The following DSCAM variants were observed in gnomAD, a reference collection of about 807,000 sequenced individuals.
DSCAM encodes DS cell adhesion molecule, also known as cell adhesion molecule DSCAM.
In DSCAM, 47 loss-of-function variants were observed where a neutral mutation model predicts 217.7. The observed-to-expected ratio is 0.22, with a 90% CI of 0.17 to 0.28. The LOEUF is 0.28. Ranked by LOEUF, DSCAM falls within the 10% of genes least tolerant of loss-of-function variation. The probability of loss-of-function intolerance (pLI) is 1.00; values close to 1 mark genes in which losing one functional copy is unlikely to be tolerated. For missense variants in DSCAM, 2,080 were observed against 2,618.3 expected, an observed-to-expected ratio of 0.79 and a Z score of 4.49; for synonymous variants, 1,056 against 1,015.3, an observed-to-expected ratio of 1.04 and a Z score of -0.76.
At chr21:40,564,482 T>G (rs894270211) in intron 3 of DSCAM, among the ~76,000 whole-genome samples, 4 of 152,176 alleles carry the variant, frequency 2.6e-5, no homozygotes, top group African/African-American at 9.6e-5. Flanking sequence ...ACCACCCTCC[T>G]CCTTCCTCTA....
chr21:40,675,654 T>C (rs1006462170), intron 3 of DSCAM, among the ~76,000 whole-genome samples: 4 of 151,996 alleles, frequency 2.6e-5, no homozygotes, highest in African/African-American at 9.6e-5. Flanking sequence ...TCAGGTCGTA[T>C]ATGTTAGTCA....
At chr21:40,836,066 G>A (rs2092053279) in intron 1 of DSCAM, among the ~76,000 whole-genome samples, 1 of 152,174 alleles carries the variant, frequency 6.6e-6, no homozygotes, top group South Asian at 2.1e-4. Context: ...GCATCCCAAG[G>A]CGGCATCAAA....
intron 3 of DSCAM, among the ~76,000 whole-genome samples, chr21:40,687,307 T>A (rs1287248770): frequency 1.3e-5 from 2 of 152,192 alleles, no homozygotes; most frequent in African/African-American, 2.4e-5. Flanking sequence ...AGGTTTTTTT[T>A]AAATTTCACA....
At chr21:40,813,217 A>G (rs779645181) in intron 1 of DSCAM, among the ~76,000 whole-genome samples, 1 of 152,236 alleles carries the variant, frequency 6.6e-6, no homozygotes, top group African/African-American at 2.4e-5. Context: ...ATAAAAGGCT[A>G]GGGAAGAGTT....
chr21:40,780,423 G>GTGTGTGTATATATATATATATATATA (rs1007015659), intron 1 of DSCAM, among the ~76,000 whole-genome samples: 14 of 56,426 alleles, frequency 2.5e-4, no homozygotes, highest in African/African-American at 8.4e-4. Context: ...GTGTGTGTGT[G>GTGTGTGTATATATATATATATATATA]TATATATATA....
intron 1 of DSCAM, among the ~76,000 whole-genome samples, chr21:40,822,978 C>T (rs1040153660): frequency 3.9e-5 from 6 of 152,006 alleles, no homozygotes; most frequent in African/African-American, 1.2e-4. Flanking sequence ...GGCGAAACCC[C>T]GTCTCTACTA....
chr21:40,697,054 C>T (rs2090603494), intron 2 of DSCAM, among the ~76,000 whole-genome samples: 1 of 152,250 alleles, frequency 6.6e-6, no homozygotes, highest in East Asian at 1.9e-4. Context: ...TACTCTTTAA[C>T]CCCTCTCCTC....
At chr21:40,106,402 T>A (rs1350373143) in intron 20 of DSCAM, among the ~76,000 whole-genome samples, 1 of 152,214 alleles carries the variant, frequency 6.6e-6, no homozygotes, top group Admixed American at 6.5e-5. Flanking sequence ...TCTGCATTGA[T>A]GTTCATCAAG....
chr21:40,778,165 A>C (rs2091505701), intron 1 of DSCAM, among the ~76,000 whole-genome samples: 1 of 152,186 alleles, frequency 6.6e-6, no homozygotes, highest in Admixed American at 6.5e-5. Context: ...AAGAAAAAGG[A>C]ACACGACCTT....
At chr21:40,480,838 G>A (rs1397029333) in intron 3 of DSCAM, among the ~76,000 whole-genome samples, 1 of 152,116 alleles carries the variant, frequency 6.6e-6, no homozygotes, top group Non-Finnish European at 1.5e-5. Context: ...AAGGTCAAAA[G>A]GCACTCTAAA....
intron 3 of DSCAM, among the ~76,000 whole-genome samples, chr21:40,416,298 T>G (rs1254009764): frequency 6.6e-6 from 1 of 152,216 alleles, no homozygotes; most frequent in African/African-American, 2.4e-5. Flanking sequence ...ACTGATCGCT[T>G]GACCCACTGT....
chr21:40,608,245 A>G (rs556507731), intron 3 of DSCAM, among the ~76,000 whole-genome samples: 69 of 152,368 alleles, frequency 4.5e-4, no homozygotes, highest in African/African-American at 1.6e-3. Flanking sequence ...CAATTTTGAA[A>G]TGCCATAGCA....
intron 11 of DSCAM, among the ~76,000 whole-genome samples, chr21:40,222,449 C>T (rs529475712): frequency 9.9e-5 from 15 of 152,132 alleles, no homozygotes; most frequent in Admixed American, 3.9e-4. Flanking sequence ...TAAAAACCAC[C>T]GCTTGCCAAA....
At chr21:40,093,686 CA>C (rs1484013188) in intron 21 of DSCAM, 34 bp downstream of exon 21, 2 of 1,611,860 alleles carry the variant, frequency 1.2e-6, no homozygotes, top group African/African-American at 2.7e-5. Flanking sequence ...AGTCAAGTTA[CA>C]ACAGGAAATG....
chr21:40,490,057 A>G (rs140924503), intron 3 of DSCAM, among the ~76,000 whole-genome samples: 66 of 152,308 alleles, frequency 4.3e-4, no homozygotes, highest in African/African-American at 1.5e-3. Context: ...AAGGTGGATG[A>G]GAAGCAGAAT....
At chr21:40,550,004 A>G (rs918503333) in intron 3 of DSCAM, among the ~76,000 whole-genome samples, 5 of 152,222 alleles carry the variant, frequency 3.3e-5, no homozygotes, top group African/African-American at 1.2e-4. Flanking sequence ...ATCAAGCCCT[A>G]CGCTTGGTAT....
chr21:40,799,346 G>A (rs899988593), intron 1 of DSCAM, among the ~76,000 whole-genome samples: 2 of 151,988 alleles, frequency 1.3e-5, no homozygotes, highest in Non-Finnish European at 2.9e-5. Context: ...CCCTATGCAG[G>A]AAAATCAATA....
intron 3 of DSCAM, among the ~76,000 whole-genome samples, chr21:40,595,410 A>C: frequency 6.6e-6 from 1 of 152,052 alleles, no homozygotes; most frequent in East Asian, 1.9e-4. Flanking sequence ...GAAGGAAGGA[A>C]GGAAAAGAGA....
At chr21:40,751,053 C>A (rs2091222467) in intron 1 of DSCAM, among the ~76,000 whole-genome samples, 1 of 152,180 alleles carries the variant, frequency 6.6e-6, no homozygotes, top group African/African-American at 2.4e-5. Context: ...CTGTCCCTAT[C>A]TCCCCTTCCT....
Sources: allele counts gnomAD v4.1 joint callset (sites outside exome capture counted in the v4.1 genomes callset), GRCh38; gene constraint gnomAD v4.1.1; transcripts MANE v1.5; gene names NCBI Gene and HGNC (gene_info 2026-07-23, HGNC 2026-07-21).